The following YPEL2 variants were observed in gnomAD, a reference collection of about 807,000 sequenced individuals.
YPEL2 encodes yippee like 2.
A neutral mutation model predicts 19.1 loss-of-function variants in YPEL2; 2 were observed. The ratio of observed to expected loss-of-function variants is 0.10; its 90% CI spans 0.04 to 0.33. The LOEUF is 0.33. YPEL2 is among the 10% of genes least tolerant of loss of function. The pLI, the probability that YPEL2 is intolerant of heterozygous loss-of-function variation, is 1.00. For missense variants in YPEL2, 66 were observed against 140.7 expected (o/e 0.47, Z 2.68); for synonymous variants, 52 against 50.0 (o/e 1.04, Z -0.17).
At position 59,400,632 on chromosome 17, in the gene YPEL2, C is replaced by CTCTA. The variant is rs1555572993; in HGVS notation, c.*3443_*3444insCTAT. 1 of 152,392 alleles carries CTCTA rather than the reference C, an allele frequency of 6.6e-6. No homozygotes were observed. The highest frequency in any genetic ancestry group is 1.5e-5 in the Non-Finnish European group (1 of 67,990). 9.4% of individuals were successfully genotyped at this position (152,392 alleles called of 1,614,324 possible). On this transcript the variant is annotated 3_prime_UTR_variant, in exon 5 of 5. Coordinates refer to ENST00000312655, the MANE Select transcript of YPEL2 (RefSeq NM_001005404.4). ...AAATATTTTCTTGCATCAGTATTGG[C>CTCTA]TAGAAAAGAAAATAAATAAAACCAA...
At chr17:59,339,340 G>T (rs1236512718) in intron 1 of YPEL2, among the ~76,000 whole-genome samples, 1 of 152,128 alleles carries the variant, frequency 6.6e-6, no homozygotes, top group Non-Finnish European at 1.5e-5. Context: ...TAGGATTTGA[G>T]GAAAAGTTAT....
chr17:59,372,004 T>C (rs1482576659), intron 2 of YPEL2, among the ~76,000 whole-genome samples: 1 of 152,128 alleles, frequency 6.6e-6, no homozygotes, highest in Admixed American at 6.5e-5. Context: ...CTGCTGGCTA[T>C]AGGAATTATT....
intron 1 of YPEL2, among the ~76,000 whole-genome samples, chr17:59,348,431 G>A (rs1162552455): frequency 6.6e-6 from 1 of 152,210 alleles, no homozygotes. Context: ...AGAAGGTTCT[G>A]TTTTGAGTTC....
At chr17:59,359,963 G>A (rs1300668469) in intron 2 of YPEL2, among the ~76,000 whole-genome samples, 2 of 152,178 alleles carry the variant, frequency 1.3e-5, no homozygotes, top group Admixed American at 6.5e-5. Context: ...GCAGTGGTGC[G>A]ATCTCGGCTC....
intron 2 of YPEL2, among the ~76,000 whole-genome samples, chr17:59,379,276 T>C (rs771904549): frequency 6.6e-6 from 1 of 152,138 alleles, no homozygotes; most frequent in Non-Finnish European, 1.5e-5. Flanking sequence ...TCTAGGGCTG[T>C]TTTGTTTGGG....
At position 59,352,118 on chromosome 17, in the gene YPEL2, T is replaced by C. The variant is rs2047790337; in HGVS notation, c.-195-1097T>C. Among the ~76,000 whole-genome samples, 3 of 152,222 alleles carry C rather than the reference T, an allele frequency of 2.0e-5. No individual in the cohort carries two copies. The South Asian group carries it at 6.2e-4, about 32-fold the overall frequency. On this transcript the variant is annotated intron_variant, in intron 1 of 4. Coordinates refer to ENST00000312655, the MANE Select transcript of YPEL2 (RefSeq NM_001005404.4). ...TCCAGCCAGGAAGATCTGATTTTGT[T>C]TGTCTTCCTTCCCCATCTCCCTAAA...
At chr17:59,393,329 G>A (rs1598054780) in intron 4 of YPEL2, among the ~76,000 whole-genome samples, 1 of 147,780 alleles carries the variant, frequency 6.8e-6, no homozygotes, top group South Asian at 2.1e-4. Flanking sequence ...TAGAGATGAG[G>A]TTTTTGTCAT....
chr17:59,389,468 C>T lies in YPEL2; in HGVS notation c.270C>T (p.Tyr90=), dbSNP rs200700318. ...GCAAAACCACTCTGGGCTGGAAATA[C>T]GTAAGTATAAAGGAGTTTGGTTGGT... ...ENCKTTLGWK[Y]EHAFESSQKY... The change falls in exon 4 of 5, where the codon TAC becomes TAT. Residue 90 remains tyrosine (Y), a splice_region_variant and synonymous_variant. Coordinates refer to ENST00000312655, the MANE Select transcript of YPEL2 (RefSeq NM_001005404.4). 120 of 1,612,266 alleles carry T rather than the reference C, an allele frequency of 7.4e-5. No individual in the cohort carries two copies. Among genetic ancestry groups the T allele is most frequent in the African/African-American group, 2.1e-4 (16 of 75,026 alleles).
intron 2 of YPEL2, among the ~76,000 whole-genome samples, chr17:59,385,268 C>G (rs1052984994): frequency 6.6e-6 from 1 of 152,132 alleles, no homozygotes; most frequent in Non-Finnish European, 1.5e-5. Flanking sequence ...AAATACATTT[C>G]ATTTATTTAA....
chr17:59,385,179 A>G (rs1383926302), intron 2 of YPEL2, among the ~76,000 whole-genome samples: 1 of 152,244 alleles, frequency 6.6e-6, no homozygotes, highest in African/African-American at 2.4e-5. Context: ...TAAATTGTTG[A>G]TATGTTCAAC....
At position 59,400,231 on chromosome 17, in the gene YPEL2, T is replaced by G. The variant is rs1278613231; in HGVS notation, c.*3041T>G. 1.3e-5 allele frequency: 2 copies of G among 152,620 alleles called. No homozygotes were observed. The highest frequency in any genetic ancestry group is 2.9e-5 in the Non-Finnish European group (2 of 68,032). The allele number at this position is 152,620 out of a possible 1,614,324, so 9.5% of individuals were successfully genotyped here. ...TTCACGAGGATAGGCTAGAGTGCAT[T>G]TTTACTGGTGGATCAGTGTGTGCGA... On this transcript the variant is annotated 3_prime_UTR_variant, in exon 5 of 5. Coordinates refer to ENST00000312655, the MANE Select transcript of YPEL2 (RefSeq NM_001005404.4).
intron 1 of YPEL2, among the ~76,000 whole-genome samples, chr17:59,335,701 A>G (rs1286349373): frequency 6.6e-6 from 1 of 151,780 alleles, no homozygotes; most frequent in East Asian, 1.9e-4. Context: ...GGCGCACCCC[A>G]CCACGCCCGG....
chr17:59,369,006 A>G (rs2047884082), intron 2 of YPEL2, among the ~76,000 whole-genome samples: 1 of 151,582 alleles, frequency 6.6e-6, no homozygotes, highest in Admixed American at 6.6e-5. Flanking sequence ...TCACTGGCAA[A>G]CAGCAGGCAG....
At chr17:59,346,194 AT>A (rs1469948911) in intron 1 of YPEL2, among the ~76,000 whole-genome samples, 2 of 152,090 alleles carry the variant, frequency 1.3e-5, no homozygotes, top group Admixed American at 6.5e-5. Context: ...CGCCACCACC[AT>A]TTAGTGCCTC....
intron 2 of YPEL2, among the ~76,000 whole-genome samples, chr17:59,361,059 T>C (rs187473867): frequency 4.6e-5 from 7 of 152,194 alleles, no homozygotes; most frequent in African/African-American, 7.2e-5. Flanking sequence ...CTCGACCTCC[T>C]GACCTCAAGC....
At chr17:59,332,937 C>G (rs1276380927) in intron 1 of YPEL2, among the ~76,000 whole-genome samples, 2 of 152,206 alleles carry the variant, frequency 1.3e-5, no homozygotes, top group Non-Finnish European at 2.9e-5. Context: ...CTGTCTTTTC[C>G]TCCCTGCCCT....
rs1454683376 is a variant in YPEL2, at chr17:59,336,189, A to T, written c.-196+4365A>T. 3.9e-5 allele frequency among the ~76,000 whole-genome samples: 6 copies of T among 152,284 alleles called. 1 individual carries two copies. In the Middle Eastern group the frequency reaches 0.01, roughly 259 times the overall value. On this transcript the variant is annotated intron_variant, in intron 1 of 4. Transcript: ENST00000312655. ...AAATATACTTTAAGAGGAAAAGATA[A>T]TTCTCTTTTTCTGGGATAATATAGT...
chr17:59,386,162 AT>A (rs11287938), intron 2 of YPEL2, among the ~76,000 whole-genome samples: 88,321 of 148,688 alleles, frequency 0.59, 26,566 homozygotes, highest in East Asian at 0.73. Flanking sequence ...GTCTCTATAA[AT>A]TTTTTTTTTT....
At chr17:59,379,464 C>G (rs1170065080) in intron 2 of YPEL2, among the ~76,000 whole-genome samples, 3 of 152,298 alleles carry the variant, frequency 2.0e-5, no homozygotes, top group Non-Finnish European at 4.4e-5. Flanking sequence ...AAAGGTTTTA[C>G]TAATCCTCCT....
Sources: allele counts gnomAD v4.1 joint callset (sites outside exome capture counted in the v4.1 genomes callset), GRCh38; gene constraint gnomAD v4.1.1; transcripts MANE v1.5; gene names NCBI Gene and HGNC (gene_info 2026-07-23, HGNC 2026-07-21).